EPHA6: variants seen among roughly 807,000 people sequenced by gnomAD.
EPHA6 encodes the protein ephrin type-A receptor 6.
EPHA6 carries 50 observed loss-of-function variants against 112.0 expected under a neutral mutation model. The ratio of observed to expected loss-of-function variants is 0.45; its 90% CI spans 0.36 to 0.56. The LOEUF (loss-of-function observed/expected upper bound fraction) is 0.56. EPHA6 is among the 20% of genes least tolerant of loss of function. EPHA6 has a pLI of 0.00. For synonymous variants in EPHA6, 529 were observed against 490.7 expected (o/e 1.08, Z -1.03); for missense variants, 1,280 against 1,417.4 (o/e 0.90, Z 1.56).
intron 2 of EPHA6, among the ~76,000 whole-genome samples, chr3:96,898,007 T>C (rs2107561841): frequency 6.6e-6 from 1 of 152,320 alleles, no homozygotes; most frequent in Non-Finnish European, 1.5e-5. Context: ...AAATCTTAAA[T>C]ATTTTAAAAC....
intron 13 of EPHA6, among the ~76,000 whole-genome samples, chr3:97,632,550 A>G (rs936633893): frequency 1.3e-5 from 2 of 151,968 alleles, no homozygotes; most frequent in Non-Finnish European, 2.9e-5. Flanking sequence ...CCCATAGGAT[A>G]CTCAGGGAGT....
rs188961511 is a variant in EPHA6, at chr3:96,950,006, C to T, written c.451-37324C>T. Among the ~76,000 whole-genome samples, 17 of 152,222 alleles carry T rather than the reference C, an allele frequency of 1.1e-4. No homozygotes were observed. The East Asian group carries it at 2.9e-3, about 26-fold the overall frequency. ...GTCCTTACTTTTCCTTAAAATTTAT[C>T]CTTCTGTGCAGTGTCTTCTAACAAA... is the stretch of plus-strand genomic sequence containing the variant. On this transcript the variant is annotated intron_variant, in intron 2 of 17. Coordinates refer to ENST00000389672, the MANE Select transcript of EPHA6 (RefSeq NM_001080448.3).
intron 7 of EPHA6, among the ~76,000 whole-genome samples, chr3:97,468,448 A>G (rs1325982503): frequency 2.0e-5 from 3 of 148,100 alleles, no homozygotes; most frequent in African/African-American, 7.5e-5. Context: ...CTATTAATTT[A>G]TTTCTGAATA....
intron 2 of EPHA6, among the ~76,000 whole-genome samples, chr3:96,938,546 A>G (rs373378005): frequency 2.4e-3 from 365 of 152,290 alleles, no homozygotes; most frequent in South Asian, 7.5e-3. Context: ...CAATCATGTC[A>G]TCTGCAAACA....
At chr3:97,544,463 G>A (rs1388982219) in intron 11 of EPHA6, among the ~76,000 whole-genome samples, 1 of 152,154 alleles carries the variant, frequency 6.6e-6, no homozygotes, top group African/African-American at 2.4e-5. Flanking sequence ...TGGTGGATAA[G>A]CTTTCTGATG....
At chr3:97,534,438 T>C (rs1354332782) in intron 11 of EPHA6, among the ~76,000 whole-genome samples, 4 of 150,414 alleles carry the variant, frequency 2.7e-5, no homozygotes, top group African/African-American at 7.4e-5. Context: ...GAAGTCTGTC[T>C]CACTTTAAAA....
chr3:96,998,192 T>C (rs903098408), intron 3 of EPHA6, among the ~76,000 whole-genome samples: 3 of 151,960 alleles, frequency 2.0e-5, no homozygotes, highest in Non-Finnish European at 4.4e-5. Flanking sequence ...ATTCACTATC[T>C]CTGTACTCTT....
At position 97,069,312 on chromosome 3, in the gene EPHA6, G is replaced by A. The variant is rs184568849; in HGVS notation, c.1114+81319G>A. On this transcript the variant is annotated intron_variant, in intron 3 of 17. Transcript: ENST00000389672. ...TTAAGCTGAAGTGGATCAGCATAAC[G>A]TTCTTCATCCTTATTGTCCTCCATT... Among the ~76,000 whole-genome samples, 6 of 152,228 alleles carry A rather than the reference G, an allele frequency of 3.9e-5. No homozygotes were observed. The East Asian group carries it at 7.7e-4, about 20-fold the overall frequency.
At chr3:97,736,199 AG>A in intron 16 of EPHA6, 81 bp downstream of exon 16, 2 of 1,193,814 alleles carry the variant, frequency 1.7e-6, no homozygotes, top group Non-Finnish European at 2.3e-6. Flanking sequence ...ACAGGTAGAA[AG>A]GAAAAAAATG....
chr3:97,375,674 G>T (rs1029389993), intron 5 of EPHA6, among the ~76,000 whole-genome samples: 1 of 152,104 alleles, frequency 6.6e-6, no homozygotes, highest in South Asian at 2.1e-4. Flanking sequence ...AAACTGTCTT[G>T]AATATTTGAA....
At chr3:97,079,868 T>C (rs529075928) in intron 3 of EPHA6, among the ~76,000 whole-genome samples, 21 of 151,958 alleles carry the variant, frequency 1.4e-4, no homozygotes, top group Non-Finnish European at 2.5e-4. Flanking sequence ...GCAAAAAAAT[T>C]ATGACTTGCT....
At chr3:97,111,205 A>T (rs766586110) in intron 3 of EPHA6, among the ~76,000 whole-genome samples, 1 of 152,156 alleles carries the variant, frequency 6.6e-6, no homozygotes, top group Non-Finnish European at 1.5e-5. Context: ...ACAGTAATTA[A>T]CTTACAAATG....
Position 97,754,584 on chromosome 3 carries a change from G to A in EPHA6, c.*5883G>A, listed in dbSNP as rs2035979226. Among the ~76,000 whole-genome samples, 1 of 152,174 alleles carries A rather than the reference G, an allele frequency of 6.6e-6. No individual in the cohort carries two copies. The highest frequency in any genetic ancestry group is 1.5e-5 in the Non-Finnish European group (1 of 68,036). ...AATTACTAAGGCAGGCAAAGCACTA[G>A]GAAATGAATAAACTTTACCTTTTAA... On this transcript the variant is annotated 3_prime_UTR_variant, in exon 18 of 18. Coordinates refer to ENST00000389672, the MANE Select transcript of EPHA6 (RefSeq NM_001080448.3).
chr3:96,951,855 T>C (rs2041550017), intron 2 of EPHA6, among the ~76,000 whole-genome samples: 3 of 152,258 alleles, frequency 2.0e-5, no homozygotes, highest in South Asian at 4.2e-4. Flanking sequence ...TCATATATTA[T>C]AGCAGTTGAG....
At chr3:97,122,276 G>C (rs2108305464) in intron 3 of EPHA6, among the ~76,000 whole-genome samples, 1 of 152,126 alleles carries the variant, frequency 6.6e-6, no homozygotes, top group Non-Finnish European at 1.5e-5. Context: ...CGTTGTGCTT[G>C]AGGAAGACAT....
At chr3:97,674,655 G>T (rs1576261356) in intron 14 of EPHA6, among the ~76,000 whole-genome samples, 1 of 152,132 alleles carries the variant, frequency 6.6e-6, no homozygotes, top group African/African-American at 2.4e-5. Context: ...TCTGCTTATT[G>T]CAACCACTTT....
rs200120931 is a variant in EPHA6 at position 97,748,613 on chromosome 3, T to A, written c.3305T>A (p.Leu1102His). 1.2e-3 allele frequency: 1,891 copies of A among 1,609,788 alleles called. 3 individuals are homozygous for A. Among genetic ancestry groups the A allele is most frequent in the Non-Finnish European group, 1.4e-3 (1,670 of 1,176,412 alleles). ...IDDIRRIGVILIGHQRRIVSS... is the reference protein window; with the variant it reads ...IDDIRRIGVIHIGHQRRIVSS... Reference sequence around the variant, plus strand: ...GACATTAGAAGAATTGGAGTCATACTTATTGGACACCAGAGACGAATAGTC... The same window carrying A: ...GACATTAGAAGAATTGGAGTCATACATATTGGACACCAGAGACGAATAGTC... Residue 1102 changes from leucine (L) to histidine (H), a missense_variant, in exon 18 of 18, where the codon CTT becomes CAT. By Grantham distance (99) the Leu-to-His change is moderately conservative. Coordinates refer to ENST00000389672, the MANE Select transcript of EPHA6 (RefSeq NM_001080448.3).
intron 3 of EPHA6, among the ~76,000 whole-genome samples, chr3:97,146,559 C>T (rs953697384): frequency 2.6e-5 from 4 of 151,868 alleles, no homozygotes; most frequent in African/African-American, 9.7e-5. Context: ...TTCCAACCTT[C>T]TTAATCCATG....
intron 2 of EPHA6, among the ~76,000 whole-genome samples, chr3:96,898,749 G>T (rs1434963280): frequency 6.6e-6 from 1 of 152,018 alleles, no homozygotes; most frequent in African/African-American, 2.4e-5. Flanking sequence ...CAGGAATTTG[G>T]CCGGGCGCGG....
Sources: gnomAD v4.1 joint callset for allele counts (sites outside exome capture counted in the v4.1 genomes callset) on GRCh38, gnomAD v4.1.1 for gene constraint, MANE v1.5 for transcripts, NCBI Gene and HGNC (gene_info 2026-07-23, HGNC 2026-07-21) for gene names.